The following ARMC8 variants were observed in gnomAD, a reference collection of about 807,000 sequenced individuals.
ARMC8 encodes the protein armadillo repeat-containing protein 8.
A neutral mutation model predicts 99.3 loss-of-function variants in ARMC8; 20 were observed. That is an observed-to-expected ratio of 0.20 (90% CI 0.14 to 0.29). The LOEUF is 0.29. Ranked by LOEUF, ARMC8 falls within the 10% of genes least tolerant of loss-of-function variation. ARMC8 has a pLI of 1.00. For synonymous variants in ARMC8, 263 were observed against 278.3 expected (o/e 0.95, Z 0.55); for missense variants, 569 against 809.5 (o/e 0.70, Z 3.60).
chr3:138,190,281 C>CTTTTTTT (rs141579108), intron 1 of ARMC8, among the ~76,000 whole-genome samples: 4 of 114,356 alleles, frequency 3.5e-5, no homozygotes, highest in Non-Finnish European at 7.2e-5. Context: ...ATTTTCTTAT[C>CTTTTTTT]TTTTTTTTTT....
chr3:138,201,433 T>G (rs1297878091), intron 1 of ARMC8, among the ~76,000 whole-genome samples: 1 of 123,338 alleles, frequency 8.1e-6, no homozygotes, highest in Non-Finnish European at 1.7e-5. Flanking sequence ...CTTCTTCCCC[T>G]CCCTTTTTTT....
chr3:138,269,951 A>G, intron 15 of ARMC8, 89 bp from the exon 16 acceptor site: 1 of 761,564 alleles, frequency 1.3e-6, no homozygotes, highest in East Asian at 2.7e-5. Flanking sequence ...AGAGTGGGGA[A>G]GAAATCACAA....
rs371471881 is a variant in ARMC8, at chr3:138,284,576, C to A, written c.1821+50C>A. On this transcript the variant is annotated intron_variant, in intron 19 of 21. Coordinates refer to ENST00000469044, the MANE Select transcript of ARMC8 (RefSeq NM_001363941.2). ...TAGGATTAGAATGCAGGGACTGTTG[C>A]ATTTTTAACTCAAAATAAATTGTGC... The A allele has an allele frequency of 1.6e-5, 21 of 1,314,206 alleles. No homozygotes were observed. In the African/African-American group the frequency reaches 2.9e-4, roughly 18 times the overall value. 81.4% of individuals were successfully genotyped at this position (1,314,206 alleles called of 1,614,324 possible).
chr3:138,245,413 CT>C (rs968433627), intron 12 of ARMC8: 271 of 1,358,334 alleles, frequency 2.0e-4, no homozygotes, highest in South Asian at 9.1e-4. Flanking sequence ...AACTGGCGTG[CT>C]TTTTTTTTGT....
At chr3:138,279,623 T>C (rs1181715594) in intron 18 of ARMC8, among the ~76,000 whole-genome samples, 2 of 152,238 alleles carry the variant, frequency 1.3e-5, no homozygotes, top group Non-Finnish European at 2.9e-5. Context: ...ATTATTTTTT[T>C]CTTCAATTTT....
At chr3:138,230,779 T>G (rs1476554748) in intron 6 of ARMC8, among the ~76,000 whole-genome samples, 1 of 152,232 alleles carries the variant, frequency 6.6e-6, no homozygotes, top group Non-Finnish European at 1.5e-5. Flanking sequence ...ACATGTTAAA[T>G]TATTTTAAGC....
Position 138,295,936 on chromosome 3 carries a change from T to G in ARMC8, c.*44T>G, listed in dbSNP as rs760850010. The G allele has an allele frequency of 5.6e-6, 9 of 1,602,256 alleles. No homozygotes were observed. Among genetic ancestry groups the G allele is most frequent in the Admixed American group, 1.7e-5 (1 of 59,304 alleles). Reference sequence around the variant, plus strand: ...CCTGCGAGCATCCCACCTCCTTGTTTAAGGAAGTACAGGAACCAGCCTCAT... The same window carrying G: ...CCTGCGAGCATCCCACCTCCTTGTTGAAGGAAGTACAGGAACCAGCCTCAT... On this transcript the variant is annotated 3_prime_UTR_variant, in exon 22 of 22. Coordinates refer to ENST00000469044, the MANE Select transcript of ARMC8 (RefSeq NM_001363941.2).
At chr3:138,194,582 C>T (rs1420836336) in intron 1 of ARMC8, among the ~76,000 whole-genome samples, 1 of 151,996 alleles carries the variant, frequency 6.6e-6, no homozygotes, top group African/African-American at 2.4e-5. Flanking sequence ...TCGTGATCTG[C>T]CCACCTTGGC....
rs897789193 is a variant in ARMC8, at chr3:138,291,594, G to A, written c.1988+955G>A. Among the ~76,000 whole-genome samples the A allele has an allele frequency of 2.6e-5, 4 of 152,360 alleles. No individual in the cohort carries two copies. The South Asian group carries it at 8.3e-4, about 32-fold the overall frequency. The stretch of plus-strand genomic sequence containing the variant: ...GATAAGCAAATGAATACGTAACACA[G>A]TATCAGGTGATGAGAGGTACCATGA... On this transcript the variant is annotated intron_variant, in intron 21 of 21. Transcript: ENST00000469044.
At chr3:138,239,781 A>G (rs1377990862) in intron 10 of ARMC8, among the ~76,000 whole-genome samples, 3 of 152,148 alleles carry the variant, frequency 2.0e-5, no homozygotes, top group African/African-American at 7.2e-5. Context: ...GGTAATTAGG[A>G]GGATGTGGAA....
At chr3:138,279,963 G>A (rs1271131155) in intron 18 of ARMC8, among the ~76,000 whole-genome samples, 1 of 151,826 alleles carries the variant, frequency 6.6e-6, no homozygotes, top group African/African-American at 2.4e-5. Context: ...GGAGTGCAGT[G>A]GCTGATCTCG....
chr3:138,265,479 T>C (rs2048190760), intron 14 of ARMC8, among the ~76,000 whole-genome samples: 2 of 152,196 alleles, frequency 1.3e-5, no homozygotes, highest in African/African-American at 4.8e-5. Flanking sequence ...AGCCTTCAAG[T>C]ACAGTGAGCT....
intron 7 of ARMC8, among the ~76,000 whole-genome samples, chr3:138,236,541 C>T (rs914362486): frequency 7.2e-5 from 11 of 152,270 alleles, no homozygotes; most frequent in African/African-American, 2.6e-4. Context: ...ACCAAAGTGC[C>T]ATTAATGTAT....
chr3:138,187,744 T>TGGAGAGGCG (rs1258636530), intron 1 of ARMC8, 145 bp downstream of exon 1: 7 of 886,138 alleles, frequency 7.9e-6, no homozygotes, highest in Non-Finnish European at 1.2e-5. Context: ...TGAGCGAGGG[T>TGGAGAGGCG]GGAGAGGCGG....
chr3:138,295,809 C>T (rs1458914545), intron 21 of ARMC8, 50 bp from the exon 22 acceptor site: 1 of 1,600,872 alleles, frequency 6.2e-7, no homozygotes, highest in African/African-American at 1.3e-5. Context: ...GGGTTTTTTA[C>T]CCCAATTACA....
intron 12 of ARMC8, among the ~76,000 whole-genome samples, chr3:138,258,756 T>C (rs567567547): frequency 1.3e-5 from 2 of 152,328 alleles, no homozygotes; most frequent in East Asian, 3.9e-4. Flanking sequence ...ACCTGATCCA[T>C]TGACCTAAAG....
chr3:138,241,564 T>C (rs529399719), intron 10 of ARMC8, among the ~76,000 whole-genome samples: 19 of 152,214 alleles, frequency 1.2e-4, no homozygotes, highest in South Asian at 1.0e-3. Flanking sequence ...TACTTTGACG[T>C]ACGAATAGAG....
intron 6 of ARMC8, among the ~76,000 whole-genome samples, 154 bp from the exon 7 acceptor site, chr3:138,234,880 T>G (rs2046250231): frequency 6.6e-6 from 1 of 152,196 alleles, no homozygotes; most frequent in Non-Finnish European, 1.5e-5. Flanking sequence ...AACACAGTGT[T>G]TGTGCTGCTT....
chr3:138,219,100 A>G (rs991340818), intron 2 of ARMC8, among the ~76,000 whole-genome samples: 15 of 152,170 alleles, frequency 9.9e-5, no homozygotes, highest in Non-Finnish European at 1.9e-4. Flanking sequence ...AAAAAGGCCA[A>G]TCCTGAGTTG....
Sources: allele counts gnomAD v4.1 joint callset (sites outside exome capture counted in the v4.1 genomes callset), GRCh38; gene constraint gnomAD v4.1.1; transcripts MANE v1.5; gene names NCBI Gene and HGNC (gene_info 2026-07-23, HGNC 2026-07-21).